Variants in IL1RAPL2 observed in about 807,000 individuals in gnomAD.
The protein encoded by IL1RAPL2 is interleukin 1 receptor accessory protein like 2, also known as X-linked interleukin-1 receptor accessory protein-like 2.
A neutral mutation model predicts 44.1 loss-of-function variants in IL1RAPL2; 3 were observed. That is an observed-to-expected ratio of 0.07 (90% CI 0.03 to 0.18). The LOEUF is 0.18. Ranked by LOEUF, IL1RAPL2 falls within the 10% of genes least tolerant of loss-of-function variation. IL1RAPL2 has a pLI of 1.00. For missense variants in IL1RAPL2, 391 were observed against 496.4 expected (o/e 0.79, Z 2.02); for synonymous variants, 181 against 178.8 (o/e 1.01, Z -0.10).
chrX:104,839,824 A>G (rs1397729979), intron 2 of IL1RAPL2, among the ~76,000 whole-genome samples: 1 of 111,398 alleles, frequency 9.0e-6, no homozygotes, highest in African/African-American at 3.3e-5. Flanking sequence ...GGGAGGGTGT[A>G]TGTGTCTGGG....
intron 2 of IL1RAPL2, among the ~76,000 whole-genome samples, chrX:104,967,501 A>G (rs1213839833): frequency 1.0e-5 from 1 of 98,072 alleles, no homozygotes; most frequent in Admixed American, 1.1e-4. Context: ...AGTTAGCAAA[A>G]GAACAAAATA....
At chrX:105,447,334 AATATAAATATATAAATATATAAAT>A (rs1337753976) in intron 5 of IL1RAPL2, among the ~76,000 whole-genome samples, 1 of 65,074 alleles carries the variant, frequency 1.5e-5, no homozygotes, top group Non-Finnish European at 2.5e-5. Context: ...TATATATAAA[AATATAAATATATAAATATATAAAT>A]ATATAAATAT....
intron 2 of IL1RAPL2, among the ~76,000 whole-genome samples, chrX:104,821,452 G>A (rs999917485): frequency 2.7e-5 from 3 of 110,248 alleles, no homozygotes; most frequent in African/African-American, 9.9e-5. Context: ...GTGCCCATAT[G>A]TTGTCATTGT....
At chrX:104,634,931 C>T (rs1159901637) in intron 1 of IL1RAPL2, among the ~76,000 whole-genome samples, 2 of 111,547 alleles carry the variant, frequency 1.8e-5, no homozygotes, top group East Asian at 5.6e-4. Context: ...CAGTTCCTTC[C>T]TAGCCTTGAT....
chrX:104,935,268 C>A (rs980638879), intron 2 of IL1RAPL2, among the ~76,000 whole-genome samples: 1 of 111,976 alleles, frequency 8.9e-6, no homozygotes, highest in African/African-American at 3.2e-5. Context: ...AATTCCATTA[C>A]TTTGCACATC....
At chrX:104,911,170 CAA>C (rs1358287318) in intron 2 of IL1RAPL2, among the ~76,000 whole-genome samples, 1 of 111,611 alleles carries the variant, frequency 9.0e-6, no homozygotes, top group African/African-American at 3.3e-5. Flanking sequence ...ATCTCCCGCC[CAA>C]AGACTCCAGG....
chrX:105,441,929 T>C (rs964670238), intron 5 of IL1RAPL2, among the ~76,000 whole-genome samples: 7 of 111,702 alleles, frequency 6.3e-5, no homozygotes, highest in African/African-American at 2.3e-4. Flanking sequence ...CGTTCTGACA[T>C]AGGTTTGAAG....
intron 2 of IL1RAPL2, among the ~76,000 whole-genome samples, chrX:104,888,768 A>C (rs73635166): frequency 0.056 from 6,253 of 111,533 alleles, 449 homozygotes; most frequent in African/African-American, 0.2. Context: ...TACCCTAGTT[A>C]TGAAGGAAAA....
chrX:105,438,963 G>A (rs2035900462), intron 5 of IL1RAPL2, among the ~76,000 whole-genome samples: 1 of 110,519 alleles, frequency 9.0e-6, no homozygotes, highest in Non-Finnish European at 1.9e-5. Flanking sequence ...TTTCCCCCAC[G>A]CTGTTTTAGT....
At chrX:104,895,058 C>T (rs1020793671) in intron 2 of IL1RAPL2, among the ~76,000 whole-genome samples, 9 of 112,617 alleles carry the variant, frequency 8.0e-5, no homozygotes, top group African/African-American at 2.6e-4. Context: ...CCACTCCAGA[C>T]TGTGTTTTCC....
chrX:105,457,039 C>CAA (rs2036060505), intron 5 of IL1RAPL2, among the ~76,000 whole-genome samples: 1 of 101,519 alleles, frequency 9.9e-6, no homozygotes, highest in Admixed American at 1.1e-4. Context: ...GTTATACACA[C>CAA]ACACACACAC....
At chrX:105,149,233 A>C (rs927603251) in intron 2 of IL1RAPL2, among the ~76,000 whole-genome samples, 1 of 111,732 alleles carries the variant, frequency 8.9e-6, no homozygotes, top group Non-Finnish European at 1.9e-5. Context: ...TATATGTATG[A>C]TCCCCTTGGA....
At chrX:105,585,841 CT>C (rs2037124259) in intron 6 of IL1RAPL2, among the ~76,000 whole-genome samples, 1 of 112,107 alleles carries the variant, frequency 8.9e-6, no homozygotes, top group South Asian at 3.7e-4. Context: ...ATGTGTGTAT[CT>C]TTATAATAGT....
rs2034411382 is a variant in IL1RAPL2, at chrX:105,267,373, A to G, written c.544-15A>G. ...AATTCTATTTTTTGCTTACTTGCAAATATTTTATCTGCAGGAATGCAAGCC... is the reference window on the plus strand; with the variant it reads ...AATTCTATTTTTTGCTTACTTGCAAGTATTTTATCTGCAGGAATGCAAGCC... On this transcript the variant is annotated splice_polypyrimidine_tract_variant and intron_variant, in intron 4 of 10. Transcript: ENST00000372582. 8.4e-7 allele frequency: 1 copy of G among 1,188,307 alleles called. No individual in the cohort carries two copies. The highest frequency in any genetic ancestry group is 1.1e-6 in the Non-Finnish European group (1 of 885,077).
chrX:105,584,594 T>C (rs1332475802), intron 6 of IL1RAPL2, among the ~76,000 whole-genome samples: 2 of 110,284 alleles, frequency 1.8e-5, no homozygotes, highest in Non-Finnish European at 1.9e-5. Flanking sequence ...TCAATTGTCT[T>C]CAAAAGCATT....
chrX:104,628,610 G>A (rs777811926), intron 1 of IL1RAPL2, among the ~76,000 whole-genome samples: 1 of 111,895 alleles, frequency 8.9e-6, no homozygotes, highest in South Asian at 3.7e-4. Context: ...TGGAGGTCCA[G>A]GTATCTATTT....
intron 2 of IL1RAPL2, among the ~76,000 whole-genome samples, chrX:104,791,133 G>T (rs1282671908): frequency 1.8e-5 from 2 of 110,400 alleles, no homozygotes; most frequent in East Asian, 5.8e-4. Flanking sequence ...ATAGGAGAAA[G>T]AAATAGCTTC....
At chrX:105,415,505 A>AATTTGTGTCCCTAATTGT (rs946275717) in intron 5 of IL1RAPL2, among the ~76,000 whole-genome samples, 2 of 111,879 alleles carry the variant, frequency 1.8e-5, no homozygotes, top group African/African-American at 6.5e-5. Context: ...AGGAACATGA[A>AATTTGTGTCCCTAATTGT]ATTTGTGTCC....
intron 2 of IL1RAPL2, among the ~76,000 whole-genome samples, chrX:105,085,570 T>C (rs2032468865): frequency 8.9e-6 from 1 of 112,259 alleles, no homozygotes; most frequent in South Asian, 3.7e-4. Context: ...ATATCATTGG[T>C]GGGAATGCAT....
Sources: gnomAD v4.1 joint callset for allele counts (sites outside exome capture counted in the v4.1 genomes callset) on GRCh38, gnomAD v4.1.1 for gene constraint, MANE v1.5 for transcripts, NCBI Gene and HGNC (gene_info 2026-07-23, HGNC 2026-07-21) for gene names.